BDKRB2: variants seen among roughly 807,000 people sequenced by gnomAD.
The protein encoded by BDKRB2 is bradykinin receptor B2, also known as B2 bradykinin receptor.
Under a neutral mutation model 4.0 loss-of-function variants are expected in BDKRB2, and 6 were observed. The ratio of observed to expected loss-of-function variants is 1.49; its 90% confidence interval spans 0.81 to 2.93. The LOEUF (loss-of-function observed/expected upper bound fraction) is 2.93, where lower values mean the gene tolerates loss of function less well. Ranked by LOEUF, BDKRB2 falls within the 30% of genes most tolerant of loss-of-function variation. The probability of loss-of-function intolerance (pLI) is 0.00; values close to 1 mark genes in which losing one functional copy is unlikely to be tolerated. For missense variants in BDKRB2, 478 were observed against 520.1 expected (o/e 0.92, Z 0.79); for synonymous variants, 225 against 215.3 (o/e 1.05, Z -0.40).
intron 1 of BDKRB2, among the ~76,000 whole-genome samples, chr14:96,213,092 C>G (rs1174281072): frequency 2.0e-5 from 3 of 152,118 alleles, no homozygotes; most frequent in Non-Finnish European, 4.4e-5. Flanking sequence ...GCTGAGTAAC[C>G]CAGGACAGGT....
chr14:96,240,119 A>G, intron 2 of BDKRB2: 1 of 1,152,834 alleles, frequency 8.7e-7, no homozygotes. Context: ...CCAACACTTG[A>G]GATTGTTAGT....
chr14:96,218,848 G>T (rs1292199038), intron 1 of BDKRB2, among the ~76,000 whole-genome samples: 2 of 152,000 alleles, frequency 1.3e-5, no homozygotes, highest in Non-Finnish European at 2.9e-5. Flanking sequence ...GAACCCAGGG[G>T]ACGGAGGTTG....
At chr14:96,205,397 T>C (rs4905458) in intron 1 of BDKRB2, among the ~76,000 whole-genome samples, 147,441 of 151,640 alleles carry the variant, frequency 0.97, 71,708 homozygotes, top group East Asian at 1. Context: ...GGACAAGCTA[T>C]TCAACCTCTC....
At position 96,237,956 on chromosome 14, in the gene BDKRB2, C is replaced by T. The variant is rs983571471; in HGVS notation, c.74+775C>T. The T allele has an allele frequency of 8.3e-6, 10 of 1,205,532 alleles. No homozygotes were observed. The African/African-American group carries it at 1.6e-4, about 19-fold the overall frequency. The allele number at this position is 1,205,532 out of a possible 1,614,324, so 74.7% of individuals were successfully genotyped here. On this transcript the variant is annotated intron_variant, in intron 2 of 2. Transcript: ENST00000554311. Reference sequence around the variant, plus strand: ...AGCTCATGAAAGATGACAGACTCTCCAAGCCAGGGGTATGCAGGAAATGGG... The same window carrying T: ...AGCTCATGAAAGATGACAGACTCTCTAAGCCAGGGGTATGCAGGAAATGGG...
intron 1 of BDKRB2, among the ~76,000 whole-genome samples, chr14:96,225,851 G>A (rs928624393): frequency 3.9e-5 from 6 of 152,142 alleles, no homozygotes; most frequent in African/African-American, 7.2e-5. Flanking sequence ...AGGTTTGCAC[G>A]TGGTGGAGGA....
At chr14:96,218,659 T>TGTA (rs1186179587) in intron 1 of BDKRB2, among the ~76,000 whole-genome samples, 1 of 152,160 alleles carries the variant, frequency 6.6e-6, no homozygotes, top group African/African-American at 2.4e-5. Context: ...GGCTCATGCC[T>TGTA]GTAATCCCAG....
intron 1 of BDKRB2, among the ~76,000 whole-genome samples, chr14:96,226,024 G>A (rs1375429659): frequency 1.3e-5 from 2 of 152,190 alleles, no homozygotes; most frequent in Non-Finnish European, 2.9e-5. Flanking sequence ...TCACTTCCCA[G>A]CCTGAGCTGT....
chr14:96,210,287 A>G (rs950425100), intron 1 of BDKRB2, among the ~76,000 whole-genome samples: 1 of 152,220 alleles, frequency 6.6e-6, no homozygotes, highest in African/African-American at 2.4e-5. Context: ...CCCAGCTCCC[A>G]GCTAGACTTT....
chr14:96,207,667 G>C (rs936162849), intron 1 of BDKRB2, among the ~76,000 whole-genome samples: 1 of 152,226 alleles, frequency 6.6e-6, no homozygotes, highest in South Asian at 2.1e-4. Flanking sequence ...CTGCTCTTGT[G>C]GGGGATGTCA....
rs1264218883 is a variant in BDKRB2, at chr14:96,244,119, CAT to C, written c.*2616_*2617del. On this transcript the variant is annotated 3_prime_UTR_variant, in exon 3 of 3. Coordinates refer to ENST00000554311, the MANE Select transcript of BDKRB2 (RefSeq NM_001379692.1). ...CATCCAAACGAGAAAATCATGTAAACATGTGTCTTTTCTGTAGAGCATAATAA... is the reference window on the plus strand; with the variant it reads ...CATCCAAACGAGAAAATCATGTAAACGTGTCTTTTCTGTAGAGCATAATAA... 3 of 398,472 alleles carry C rather than the reference CAT, an allele frequency of 7.5e-6. No individual in the cohort carries two copies. The highest frequency in any genetic ancestry group is 6.2e-5 in the African/African-American group (3 of 48,642). 24.7% of individuals were successfully genotyped at this position (398,472 alleles called of 1,614,324 possible). A position where few individuals can be genotyped will look rare whatever the true frequency, so the allele number is the denominator to read the frequency against.
At chr14:96,227,616 CAAACACACACACAT>C (rs1566692363) in intron 1 of BDKRB2, among the ~76,000 whole-genome samples, 17 of 152,196 alleles carry the variant, frequency 1.1e-4, no homozygotes, top group Non-Finnish European at 2.1e-4. Flanking sequence ...CATGCACACA[CAAACACACACACAT>C]ATATACACAC....
chr14:96,223,734 T>C lies in BDKRB2; in HGVS notation c.-39-13335T>C, dbSNP rs147868914. On this transcript the variant is annotated intron_variant, in intron 1 of 2. Coordinates refer to ENST00000554311, the MANE Select transcript of BDKRB2 (RefSeq NM_001379692.1). ...ATGTAAGGTCACTTGTGGATTTATG[T>C]TTCAGCGTACTGGAAACTTTCCATT... Among the ~76,000 whole-genome samples, 294 of 152,252 alleles carry C rather than the reference T, an allele frequency of 1.9e-3. 3 individuals carry two copies. The highest frequency in any genetic ancestry group is 6.7e-3 in the African/African-American group (277 of 41,502).
chr14:96,221,428 G>A (rs761327642), intron 1 of BDKRB2, among the ~76,000 whole-genome samples: 35 of 152,154 alleles, frequency 2.3e-4, no homozygotes, highest in Non-Finnish European at 4.4e-4. Context: ...CCTGCTGGCT[G>A]TAGACCACCA....
At chr14:96,226,676 G>T (rs1890704819) in intron 1 of BDKRB2, among the ~76,000 whole-genome samples, 1 of 151,820 alleles carries the variant, frequency 6.6e-6, no homozygotes, top group African/African-American at 2.4e-5. Context: ...AAATTACAAA[G>T]TGGCTGAATA....
At chr14:96,217,222 AAAG>A (rs1384383326) in intron 1 of BDKRB2, among the ~76,000 whole-genome samples, 1 of 152,226 alleles carries the variant, frequency 6.6e-6, no homozygotes, top group African/African-American at 2.4e-5. Context: ...GTGTGAAGAA[AAAG>A]GACAGCATAT....
intron 1 of BDKRB2, among the ~76,000 whole-genome samples, chr14:96,205,519 C>A (rs574876078): frequency 2.0e-5 from 3 of 152,060 alleles, no homozygotes; most frequent in South Asian, 4.2e-4. Flanking sequence ...TTGGCTGATG[C>A]GCCTCCAGGA....
intron 1 of BDKRB2, chr14:96,233,700 G>C (rs1890871569): frequency 6.6e-6 from 1 of 152,292 alleles, no homozygotes; most frequent in Middle Eastern, 3.4e-3. Context: ...ATTTCGTGGA[G>C]GCCACTGCTT....
intron 1 of BDKRB2, among the ~76,000 whole-genome samples, chr14:96,219,320 A>G (rs2139776350): frequency 6.6e-6 from 1 of 151,754 alleles, no homozygotes; most frequent in East Asian, 1.9e-4. Flanking sequence ...AGAACCAAAA[A>G]CCCCTTAAGA....
intron 1 of BDKRB2, among the ~76,000 whole-genome samples, chr14:96,215,374 T>C (rs1890393849): frequency 6.6e-6 from 1 of 152,112 alleles, no homozygotes; most frequent in Non-Finnish European, 1.5e-5. Flanking sequence ...GTCCTAAACA[T>C]TTAGGTTGTT....
Sources: allele counts gnomAD v4.1 joint callset (sites outside exome capture counted in the v4.1 genomes callset), GRCh38; gene constraint gnomAD v4.1.1; transcripts MANE v1.5; gene names NCBI Gene and HGNC (gene_info 2026-07-23, HGNC 2026-07-21).